The following CTTNBP2 variants were observed in gnomAD, a reference collection of about 807,000 sequenced individuals.
CTTNBP2 encodes the protein cortactin binding protein 2.
Under a neutral mutation model 156.9 loss-of-function variants are expected in CTTNBP2, and 108 were observed. The observed-to-expected ratio is 0.69, with a 90% confidence interval of 0.59 to 0.81. The LOEUF (loss-of-function observed/expected upper bound fraction) is 0.81. Among genes scored for constraint, CTTNBP2 ranks in the 30% least tolerant of loss-of-function variants. CTTNBP2 has a pLI of 0.00. For synonymous variants in CTTNBP2, 767 were observed against 751.8 expected (o/e 1.02, Z -0.33); for missense variants, 1,924 against 2,035.4 (o/e 0.95, Z 1.05).
intron 2 of CTTNBP2, among the ~76,000 whole-genome samples, chr7:117,823,589 C>T (rs962837655): frequency 2.0e-5 from 3 of 152,228 alleles, no homozygotes; most frequent in African/African-American, 7.2e-5. Flanking sequence ...ACTCCACAAA[C>T]ATTCAGAGTC....
At chr7:117,734,615 T>C (rs759077944) in intron 16 of CTTNBP2, among the ~76,000 whole-genome samples, 1 of 152,198 alleles carries the variant, frequency 6.6e-6, no homozygotes, top group Non-Finnish European at 1.5e-5. Context: ...AAGATGTAAG[T>C]TTTCCTTAAG....
chr7:117,861,333 A>T lies in CTTNBP2; in HGVS notation c.82-17T>A. The stretch of plus-strand genomic sequence containing the variant: ...CTCTTTTTTCTGTAACACATAAAAA[A>T]ATAAGGCCATGAAAAATCTTTTCCT... On this transcript the variant is annotated splice_polypyrimidine_tract_variant and intron_variant, in intron 1 of 22. Transcript: ENST00000160373. 1.9e-6 allele frequency: 3 copies of T among 1,558,316 alleles called. No individual in the cohort carries two copies. The highest frequency in any genetic ancestry group is 2.6e-6 in the Non-Finnish European group (3 of 1,135,194).
chr7:117,763,759 T>C (rs1299393434), intron 9 of CTTNBP2, among the ~76,000 whole-genome samples: 1 of 151,640 alleles, frequency 6.6e-6, no homozygotes, highest in Non-Finnish European at 1.5e-5. Flanking sequence ...TTTGAAGAGA[T>C]GGAGTTTTGC....
At chr7:117,715,475 T>TAAAAAAAAAAAAAAAAAAAAAAAA (rs398048025) in intron 22 of CTTNBP2, among the ~76,000 whole-genome samples, 1 of 116,392 alleles carries the variant, frequency 8.6e-6, no homozygotes, top group African/African-American at 3.9e-5. Flanking sequence ...GCCCTGAAGT[T>TAAAAAAAAAAAAAAAAAAAAAAAA]AAAAAAAAAA....
intron 2 of CTTNBP2, among the ~76,000 whole-genome samples, chr7:117,829,188 T>C (rs1053102840): frequency 1.3e-5 from 2 of 152,194 alleles, no homozygotes; most frequent in Admixed American, 6.5e-5. Context: ...CAGCGCTTGT[T>C]GGAATTTGCT....
intron 2 of CTTNBP2, among the ~76,000 whole-genome samples, chr7:117,824,882 T>C (rs1801187558): frequency 6.6e-6 from 1 of 152,242 alleles, no homozygotes; most frequent in Admixed American, 6.5e-5. Context: ...AAGTTGTTCC[T>C]TTGCATTTTA....
intron 1 of CTTNBP2, among the ~76,000 whole-genome samples, chr7:117,872,962 T>C (rs1563084186): frequency 6.7e-6 from 1 of 149,800 alleles, no homozygotes; most frequent in East Asian, 2.0e-4. Context: ...AGGTGAACAA[T>C]GGGGGGTCAA....
chr7:117,779,306 T>A (rs535319516), intron 7 of CTTNBP2, among the ~76,000 whole-genome samples: 1 of 152,072 alleles, frequency 6.6e-6, no homozygotes, highest in East Asian at 1.9e-4. Context: ...GGAAAAAAAA[T>A]TTTCTATTTT....
At chr7:117,714,417 T>A (rs1381724660) in intron 22 of CTTNBP2, among the ~76,000 whole-genome samples, 1 of 152,174 alleles carries the variant, frequency 6.6e-6, no homozygotes, top group Non-Finnish European at 1.5e-5. Context: ...TCAGAAAACA[T>A]GAAATATGGC....
At position 117,819,978 on chromosome 7, in the gene CTTNBP2, G is replaced by A. The variant is rs900954350; in HGVS notation, c.190-8989C>T. ...ATTAGCAGAATTCATGAAAGGCTTG[G>A]TTGCACAGAAGTCAGAGCCAGAAGT... On this transcript the variant is annotated intron_variant, in intron 2 of 22. Transcript: ENST00000160373. Among the ~76,000 whole-genome samples, 3 of 152,182 alleles carry A rather than the reference G, an allele frequency of 2.0e-5. No homozygotes were observed. In the East Asian group the frequency reaches 5.8e-4, roughly 29 times the overall value.
chr7:117,830,975 A>AT (rs759578039), intron 2 of CTTNBP2, among the ~76,000 whole-genome samples: 4 of 151,804 alleles, frequency 2.6e-5, no homozygotes, highest in Non-Finnish European at 5.9e-5. Context: ...TTTTTTTTTA[A>AT]TTTTTTTGTT....
chr7:117,773,707 ACC>A (rs1554421429), intron 8 of CTTNBP2, among the ~76,000 whole-genome samples: 3 of 129,058 alleles, frequency 2.3e-5, no homozygotes, highest in South Asian at 2.3e-4. Flanking sequence ...ACACACACAC[ACC>A]CCAAAAAACA....
At chr7:117,719,711 T>C in intron 20 of CTTNBP2, 75 bp from the exon 21 acceptor site, 2 of 1,309,592 alleles carry the variant, frequency 1.5e-6, no homozygotes, top group Non-Finnish European at 2.1e-6. Flanking sequence ...ACTGTACCTT[T>C]TTTGGGATTT....
In CTTNBP2 at chr7:117,767,090, A is replaced by T; in HGVS notation, c.2865T>A (p.Thr955=). 1 of 1,606,072 alleles carries T rather than the reference A, an allele frequency of 6.2e-7. No homozygotes were observed. Reference sequence around the variant, plus strand: ...TCTCCAGCAAATGCTTGCAGTCATCAGTGGCAACATCATGCACAGTCCGAT... The same window carrying T: ...TCTCCAGCAAATGCTTGCAGTCATCTGTGGCAACATCATGCACAGTCCGAT... The part of the protein sequence containing the change: ...KCNRTVHDVA[T]DDCKHLLENL... Residue 955 remains threonine, a synonymous_variant, in exon 9 of 23, where the codon ACT becomes ACA. Transcript: ENST00000160373.
At chr7:117,749,906 T>C (rs1796536309) in intron 12 of CTTNBP2, among the ~76,000 whole-genome samples, 2 of 152,148 alleles carry the variant, frequency 1.3e-5, no homozygotes, top group South Asian at 4.1e-4. Flanking sequence ...TCAAAAGTAC[T>C]TCAGTGGGAA....
chr7:117,728,106 A>G lies in CTTNBP2; in HGVS notation c.4038T>C (p.His1346=). Residue 1346 remains histidine, a synonymous_variant, in exon 17 of 23, where the codon CAT becomes CAC. Transcript: ENST00000160373. The part of the protein sequence containing the change: ...YFLSCPVVPG[H]AQVTVKWMSK... The stretch of plus-strand genomic sequence containing the variant: ...GCACTTACTTCACTGTCACTTGGGC[A>G]TGCCCAGGAACTACAGGACAAGACA... 6.2e-7 allele frequency: 1 copy of G among 1,613,492 alleles called. No homozygotes were observed. Among genetic ancestry groups the G allele is most frequent in the Non-Finnish European group, 8.5e-7 (1 of 1,179,834 alleles).
intron 2 of CTTNBP2, among the ~76,000 whole-genome samples, chr7:117,854,663 GAAT>G (rs1354038812): frequency 1.3e-5 from 2 of 152,114 alleles, no homozygotes; most frequent in Non-Finnish European, 2.9e-5. Context: ...GGCATTTTCA[GAAT>G]AATTACTTTT....
At chr7:117,861,060 G>T in intron 2 of CTTNBP2, 149 bp downstream of exon 2, 1 of 610,786 alleles carries the variant, frequency 1.6e-6, no homozygotes. Flanking sequence ...AAAGTTATGG[G>T]TTAGTGTTTG....
intron 19 of CTTNBP2, among the ~76,000 whole-genome samples, chr7:117,723,640 A>G (rs1794924878): frequency 6.6e-6 from 1 of 152,224 alleles, no homozygotes; most frequent in South Asian, 2.1e-4. Flanking sequence ...CAGAAGATAC[A>G]GACGTGTTAC....
Sources: allele counts gnomAD v4.1 joint callset (sites outside exome capture counted in the v4.1 genomes callset), GRCh38; gene constraint gnomAD v4.1.1; transcripts MANE v1.5; gene names NCBI Gene and HGNC (gene_info 2026-07-23, HGNC 2026-07-21).